SLC41A3: variants seen among roughly 807,000 people sequenced by gnomAD.
SLC41A3 encodes SLC41A1-like 2.
SLC41A3 carries 44 observed loss-of-function variants against 45.4 expected under a neutral mutation model. The ratio of observed to expected loss-of-function variants is 0.97; its 90% CI spans 0.76 to 1.25. SLC41A3 has a LOEUF of 1.25. Ranked by LOEUF, SLC41A3 falls within the 50% of genes most tolerant of loss-of-function variation. SLC41A3 has a pLI of 0.00. For missense variants in SLC41A3, 550 were observed against 600.6 expected (o/e 0.92, Z 0.88); for synonymous variants, 256 against 252.4 (o/e 1.01, Z -0.13).
intron 1 of SLC41A3, chr3:126,095,347 T>C: frequency 1.8e-6 from 1 of 558,532 alleles, no homozygotes; most frequent in South Asian, 2.4e-5. Context: ...AAGCAACACC[T>C]GTTGAACACA....
At chr3:126,018,986 C>T (rs1940583711) in intron 6 of SLC41A3, among the ~76,000 whole-genome samples, 1 of 152,216 alleles carries the variant, frequency 6.6e-6, no homozygotes, top group Admixed American at 6.5e-5. Flanking sequence ...TTGAAGGTCA[C>T]AGTGTCTTAG....
intron 2 of SLC41A3, among the ~76,000 whole-genome samples, chr3:126,065,252 G>T (rs1462132582): frequency 6.6e-6 from 1 of 152,216 alleles, no homozygotes; most frequent in Non-Finnish European, 1.5e-5. Context: ...GCCATACCAT[G>T]CCTGCCCTCT....
intron 1 of SLC41A3, among the ~76,000 whole-genome samples, chr3:126,091,827 A>G (rs1031933624): frequency 1.3e-5 from 2 of 152,258 alleles, no homozygotes; most frequent in Middle Eastern, 3.4e-3. Context: ...ATGGCCTGCT[A>G]TCTGTCATGT....
At chr3:126,080,432 A>C (rs1254379522) in intron 1 of SLC41A3, among the ~76,000 whole-genome samples, 1 of 152,218 alleles carries the variant, frequency 6.6e-6, no homozygotes, top group Non-Finnish European at 1.5e-5. Flanking sequence ...GAAGACATAA[A>C]TGGCTCACAT....
chr3:126,059,307 A>AAAGAAAGAAAGAAAGGAAGGAAGG (rs1559870097), intron 2 of SLC41A3, among the ~76,000 whole-genome samples: 20 of 59,440 alleles, frequency 3.4e-4, no homozygotes, highest in African/African-American at 1.1e-3. Flanking sequence ...AGAAAGAAAG[A>AAAGAAAGAAAGAAAGGAAGGAAGG]AAGGAAGGAT....
At chr3:126,030,787 G>T (rs1941740839) in intron 4 of SLC41A3, among the ~76,000 whole-genome samples, 1 of 152,276 alleles carries the variant, frequency 6.6e-6, no homozygotes, top group South Asian at 2.1e-4. Flanking sequence ...ATCAGATTAG[G>T]TAAGATTAAA....
chr3:126,068,210 T>C lies in SLC41A3; in HGVS notation c.10A>G (p.Thr4Ala). The change falls in exon 2 of 11, where the codon ACA (threonine) becomes GCA (alanine). Residue 4 changes from threonine (T) to alanine (A), a missense_variant. Transcript: ENST00000360370. ...TCCAGCCTCCGCTGCCGGGTCTCTGTCCCATCCATCTGGGCACAGCTGGGC... is the reference window on the plus strand; with the variant it reads ...TCCAGCCTCCGCTGCCGGGTCTCTGCCCCATCCATCTGGGCACAGCTGGGC... MDG[T>A]ETRQRRLDSC... The C allele has an allele frequency of 6.5e-7, 1 of 1,537,898 alleles. No individual in the cohort carries two copies. The highest frequency in any genetic ancestry group is 8.7e-7 in the Non-Finnish European group (1 of 1,144,518).
chr3:126,034,654 C>T (rs1942055034), intron 3 of SLC41A3, among the ~76,000 whole-genome samples: 2 of 152,180 alleles, frequency 1.3e-5, no homozygotes, highest in African/African-American at 2.4e-5. Flanking sequence ...GAACCCAGGG[C>T]GTGCTGAGCA....
chr3:126,034,641 G>A (rs1034689201), intron 3 of SLC41A3, among the ~76,000 whole-genome samples: 1 of 152,238 alleles, frequency 6.6e-6, no homozygotes, highest in Non-Finnish European at 1.5e-5. Context: ...TAGAGACTCA[G>A]TGGAACCCAG....
chr3:126,096,699 A>G (rs930618237), intron 1 of SLC41A3, among the ~76,000 whole-genome samples: 1 of 152,260 alleles, frequency 6.6e-6, no homozygotes, highest in East Asian at 1.9e-4. Context: ...AGTTAATCTA[A>G]TATCTATAGA....
chr3:126,036,689 G>C (rs1942221174), intron 3 of SLC41A3, among the ~76,000 whole-genome samples: 1 of 152,032 alleles, frequency 6.6e-6, no homozygotes, highest in Non-Finnish European at 1.5e-5. Flanking sequence ...TCTCCTGCCA[G>C]GATCCTGACC....
At chr3:126,007,689 CT>C (rs1352869978) in intron 10 of SLC41A3, among the ~76,000 whole-genome samples, 1 of 152,208 alleles carries the variant, frequency 6.6e-6, no homozygotes, top group East Asian at 1.9e-4. Context: ...ACCCCAGCTC[CT>C]TCCTTCTCCC....
chr3:126,021,096 G>T (rs186870303), intron 6 of SLC41A3, among the ~76,000 whole-genome samples: 2 of 152,074 alleles, frequency 1.3e-5, no homozygotes, highest in African/African-American at 2.4e-5. Flanking sequence ...GGATTTCACC[G>T]TGTTAGCCAG....
chr3:126,099,473 T>A (rs767742678), intron 1 of SLC41A3, among the ~76,000 whole-genome samples: 38 of 152,052 alleles, frequency 2.5e-4, no homozygotes, highest in Non-Finnish European at 4.3e-4. Context: ...GCACTTTGGG[T>A]GGCCAAGGCG....
At chr3:126,028,439 G>A (rs1403719346) in intron 4 of SLC41A3, among the ~76,000 whole-genome samples, 1 of 152,272 alleles carries the variant, frequency 6.6e-6, no homozygotes, top group Non-Finnish European at 1.5e-5. Context: ...TGTTATGCCT[G>A]CGGTTGCACA....
At chr3:126,077,095 G>A (rs773754262) in intron 1 of SLC41A3, among the ~76,000 whole-genome samples, 2 of 152,036 alleles carry the variant, frequency 1.3e-5, no homozygotes, top group East Asian at 1.9e-4. Context: ...ATAATATAAC[G>A]AGGCTGGGCA....
At chr3:126,030,701 G>A (rs528494201) in intron 4 of SLC41A3, among the ~76,000 whole-genome samples, 1 of 152,322 alleles carries the variant, frequency 6.6e-6, no homozygotes, top group South Asian at 2.1e-4. Context: ...ACAAATGGAT[G>A]AGTAGACAGG....
At chr3:126,057,810 G>T (rs879611042) in intron 2 of SLC41A3, 1 of 152,224 alleles carries the variant, frequency 6.6e-6, no homozygotes, top group Non-Finnish European at 1.5e-5. Flanking sequence ...TCATTCAACA[G>T]ATATTTTTAA....
At chr3:126,009,041 G>A (rs1448798920) in intron 9 of SLC41A3, among the ~76,000 whole-genome samples, 161 bp from the exon 10 acceptor site, 2 of 152,196 alleles carry the variant, frequency 1.3e-5, no homozygotes, top group Admixed American at 1.3e-4. Context: ...TGGGGATACA[G>A]TCTTTCCCCT....
Sources: allele counts gnomAD v4.1 joint callset (sites outside exome capture counted in the v4.1 genomes callset), GRCh38; gene constraint gnomAD v4.1.1; transcripts MANE v1.5; gene names NCBI Gene and HGNC (gene_info 2026-07-23, HGNC 2026-07-21).